PICALM: variants seen among roughly 807,000 people sequenced by gnomAD.
PICALM encodes the protein phosphatidylinositol binding clathrin assembly protein.
In PICALM, 40 loss-of-function variants were observed where a neutral mutation model predicts 80.5. The observed-to-expected ratio is 0.50, with a 90% CI of 0.39 to 0.65. PICALM has a LOEUF of 0.65. PICALM is among the 30% of genes least tolerant of loss of function. The pLI, the probability that PICALM is intolerant of heterozygous loss-of-function variation, is 0.00. For missense variants in PICALM, 676 were observed against 778.9 expected, an observed-to-expected ratio of 0.87 and a Z score of 1.57; for synonymous variants, 288 against 260.3, an observed-to-expected ratio of 1.11 and a Z score of -1.02.
intron 3 of PICALM, among the ~76,000 whole-genome samples, chr11:86,024,288 A>T (rs1225108895): frequency 6.6e-6 from 1 of 151,938 alleles, no homozygotes; most frequent in East Asian, 1.9e-4. Context: ...GGTCCTACAT[A>T]TAGATTACTG....
intron 12 of PICALM, among the ~76,000 whole-genome samples, chr11:85,992,316 G>A (rs1218534716): frequency 2.0e-5 from 3 of 149,422 alleles, no homozygotes; most frequent in Admixed American, 6.7e-5. Flanking sequence ...AGTCGAACTC[G>A]CTGTGTTGTC....
chr11:86,034,219 T>C (rs1286608313), intron 1 of PICALM, among the ~76,000 whole-genome samples: 2 of 151,822 alleles, frequency 1.3e-5, no homozygotes, highest in Non-Finnish European at 1.5e-5. Flanking sequence ...ATATGACAGG[T>C]GGGGTGGGGA....
intron 1 of PICALM, among the ~76,000 whole-genome samples, chr11:86,063,898 A>G (rs767130382): frequency 1.3e-5 from 2 of 152,226 alleles, no homozygotes; most frequent in East Asian, 3.9e-4. Context: ...AGTCCCAGTT[A>G]CCTTACTTTT....
In PICALM at chr11:85,975,576, T is replaced by C. The variant is rs2094251917; in HGVS notation, c.1840-764A>G. Among the ~76,000 whole-genome samples, 5 of 149,102 alleles carry C rather than the reference T, an allele frequency of 3.4e-5. No homozygotes were observed. The Admixed American group carries it at 3.4e-4, about 10-fold the overall frequency. On this transcript the variant is annotated intron_variant, in intron 18 of 19. Coordinates refer to ENST00000393346, the MANE Select transcript of PICALM (RefSeq NM_007166.4). The stretch of plus-strand genomic sequence containing the variant: ...AGAGCTTCATTTTAAGTTTATGGCC[T>C]GAGTTTCTCAGCAGACTTTTTTTTT...
intron 17 of PICALM, chr11:85,978,628 G>A (rs1462320805): frequency 1.3e-5 from 2 of 151,990 alleles, no homozygotes; most frequent in Non-Finnish European, 2.9e-5. Context: ...CCAAACATTA[G>A]CCATTAAAAA....
At chr11:86,059,303 C>T (rs1173785559) in intron 1 of PICALM, among the ~76,000 whole-genome samples, 1 of 152,048 alleles carries the variant, frequency 6.6e-6, no homozygotes, top group South Asian at 2.1e-4. Flanking sequence ...AGAACAATAC[C>T]GAAAACAATT....
At chr11:85,968,816 T>C (rs1482724460) in intron 19 of PICALM, among the ~76,000 whole-genome samples, 2 of 152,042 alleles carry the variant, frequency 1.3e-5, no homozygotes, top group African/African-American at 2.4e-5. Context: ...AAGTTAAACA[T>C]CTAGGAAGAT....
At chr11:86,006,211 C>T (rs953146794) in intron 8 of PICALM, among the ~76,000 whole-genome samples, 1 of 152,176 alleles carries the variant, frequency 6.6e-6, no homozygotes, top group African/African-American at 2.4e-5. Context: ...CAATTTATTT[C>T]AAGTGGACAT....
At position 86,010,444 on chromosome 11, in the gene PICALM, A is replaced by G. The variant is rs576543806; in HGVS notation, c.765+586T>C. On this transcript the variant is annotated intron_variant, in intron 7 of 19. Transcript: ENST00000393346. ...TGGGCTCAAGTGATTCTCCTGCCTC[A>G]GCCTCCTAAGTAGCTGGGATTACAA... Among the ~76,000 whole-genome samples, 58 of 151,676 alleles carry G rather than the reference A, an allele frequency of 3.8e-4. 1 individual carries two copies. Among genetic ancestry groups the G allele is most frequent in the Non-Finnish European group, 6.6e-4 (45 of 67,952 alleles).
chr11:86,044,627 G>A (rs1461616712), intron 1 of PICALM, among the ~76,000 whole-genome samples: 1 of 152,188 alleles, frequency 6.6e-6, no homozygotes, highest in Non-Finnish European at 1.5e-5. Context: ...TGAAGACCCT[G>A]TAAGCCAGGG....
At position 86,061,822 on chromosome 11, in the gene PICALM, G is replaced by C. The variant is rs557079682; in HGVS notation, c.130+6829C>G. 2.0e-5 allele frequency among the ~76,000 whole-genome samples: 3 copies of C among 152,268 alleles called. No homozygotes were observed. The South Asian group carries it at 6.2e-4, about 32-fold the overall frequency. ...ACACAGATGTTTGATGTTTATAGCA[G>C]CTTTATTCACGATTGCCAAAACTAG... On this transcript the variant is annotated intron_variant, in intron 1 of 19. Coordinates refer to ENST00000393346, the MANE Select transcript of PICALM (RefSeq NM_007166.4).
intron 1 of PICALM, among the ~76,000 whole-genome samples, chr11:86,037,217 T>G (rs2095857606): frequency 6.7e-6 from 1 of 149,332 alleles, no homozygotes; most frequent in East Asian, 2.0e-4. Flanking sequence ...GGGCTGGGGA[T>G]TACAGGCATG....
At position 85,957,961 on chromosome 11, in the gene PICALM, TTTAAAAGGTATA is replaced by T. The variant is rs757491737; in HGVS notation, c.*1073_*1084del. 1 of 223,978 alleles carries T rather than the reference TTTAAAAGGTATA, an allele frequency of 4.5e-6. No individual in the cohort carries two copies. Among genetic ancestry groups the T allele is most frequent in the Non-Finnish European group, 8.9e-6 (1 of 112,180 alleles). 13.9% of individuals were successfully genotyped at this position (223,978 alleles called of 1,614,324 possible). A position where few individuals can be genotyped will look rare whatever the true frequency, so the allele number is the denominator to read the frequency against. On this transcript the variant is annotated 3_prime_UTR_variant, in exon 20 of 20. Coordinates refer to ENST00000393346, the MANE Select transcript of PICALM (RefSeq NM_007166.4). ...ACTTTAAAGATACTATTTCCCCTTA[TTTAAAAGGTATA>T]TGATCATAACATGGCACGAGCCAAA... is the stretch of plus-strand genomic sequence containing the variant.
intron 19 of PICALM, among the ~76,000 whole-genome samples, chr11:85,963,457 T>A (rs1565196661): frequency 6.6e-6 from 1 of 152,244 alleles, no homozygotes; most frequent in Non-Finnish European, 1.5e-5. Flanking sequence ...AAAATTGGTA[T>A]AGCTATCAGT....
chr11:86,021,657 C>T (rs2095565852), intron 4 of PICALM, among the ~76,000 whole-genome samples: 2 of 152,162 alleles, frequency 1.3e-5, no homozygotes, highest in South Asian at 4.1e-4. Context: ...ATAAGAGTTA[C>T]CATATGACAC....
rs376759395 is a variant in PICALM at position 86,056,134 on chromosome 11, T to TAAAAAAAAAAAAAA, written c.130+12516_130+12517insTTTTTTTTTTTTTT. On this transcript the variant is annotated intron_variant, in intron 1 of 19. Transcript: ENST00000393346. ...TGGGTGACAGAACAAGACTCTGTCT[T>TAAAAAAAAAAAAAA]TAAAAAAAAAAAAAAAGAAAAAACC... 1.0e-3 allele frequency among the ~76,000 whole-genome samples: 80 copies of TAAAAAAAAAAAAAA among 76,812 alleles called. 6 individuals are homozygous for TAAAAAAAAAAAAAA. The highest frequency in any genetic ancestry group is 3.7e-3 in the African/African-American group (75 of 20,482). 50.4% of individuals were successfully genotyped at this position (76,812 alleles called of 152,430 possible).
At chr11:86,025,828 CAAT>C (rs1283165301) in intron 3 of PICALM, among the ~76,000 whole-genome samples, 1 of 152,090 alleles carries the variant, frequency 6.6e-6, no homozygotes, top group African/African-American at 2.4e-5. Context: ...CAAAGTGCTG[CAAT>C]AACAGGCATG....
intron 4 of PICALM, among the ~76,000 whole-genome samples, chr11:86,015,576 G>A (rs1318907326): frequency 6.6e-6 from 1 of 152,180 alleles, no homozygotes; most frequent in Non-Finnish European, 1.5e-5. Context: ...AAAATAGTCT[G>A]TTAAATATTT....
intron 19 of PICALM, among the ~76,000 whole-genome samples, chr11:85,965,159 T>A (rs113986799): frequency 6.6e-6 from 1 of 152,048 alleles, no homozygotes; most frequent in African/African-American, 2.4e-5. Context: ...ATCAAGGGAG[T>A]GGGTTCGCCC....
Sources: allele counts gnomAD v4.1 joint callset (sites outside exome capture counted in the v4.1 genomes callset), GRCh38; gene constraint gnomAD v4.1.1; transcripts MANE v1.5; gene names NCBI Gene and HGNC (gene_info 2026-07-23, HGNC 2026-07-21).